RAB27B: variants seen among roughly 807,000 people sequenced by gnomAD.
RAB27B encodes the protein ras-related protein Rab-27B.
RAB27B carries 15 observed loss-of-function variants against 24.6 expected under a neutral mutation model. That is an observed-to-expected ratio of 0.61 (90% CI 0.41 to 0.94). The LOEUF (loss-of-function observed/expected upper bound fraction) is 0.94, where lower values mean the gene tolerates loss of function less well. Ranked by LOEUF, RAB27B falls within the 40% of genes least tolerant of loss-of-function variation. The probability of loss-of-function intolerance (pLI) is 0.00; values close to 1 mark genes in which losing one functional copy is unlikely to be tolerated. For missense variants in RAB27B, 261 were observed against 266.8 expected (o/e 0.98, Z 0.15); for synonymous variants, 105 against 92.5 (o/e 1.14, Z -0.78).
At chr18:54,871,035 G>A (rs939271518) in intron 1 of RAB27B, among the ~76,000 whole-genome samples, 2 of 152,104 alleles carry the variant, frequency 1.3e-5, no homozygotes, top group African/African-American at 4.8e-5. Flanking sequence ...CTAAGCCAAA[G>A]GCAAAAATGT....
At chr18:54,871,866 A>AG (rs1270648900) in intron 1 of RAB27B, among the ~76,000 whole-genome samples, 7 of 151,814 alleles carry the variant, frequency 4.6e-5, no homozygotes, top group Non-Finnish European at 1.5e-5. Context: ...AAAAAAAAAA[A>AG]AAAGAAATAT....
intron 1 of RAB27B, among the ~76,000 whole-genome samples, chr18:54,872,587 T>C (rs377396981): frequency 1.3e-5 from 2 of 149,178 alleles, no homozygotes; most frequent in Non-Finnish European, 3.0e-5. Flanking sequence ...ATGGCGCCAT[T>C]GCACTCCAGC....
intron 1 of RAB27B, among the ~76,000 whole-genome samples, chr18:54,866,350 C>T (rs1167306406): frequency 6.6e-6 from 1 of 151,610 alleles, no homozygotes; most frequent in East Asian, 2.0e-4. Flanking sequence ...GGCTGGAGTG[C>T]AATGGCGCTA....
In RAB27B at chr18:54,850,559, G is replaced by A. The variant is rs534850126; in HGVS notation, c.-20+21859G>A. Among the ~76,000 whole-genome samples the A allele has an allele frequency of 1.5e-3, 219 of 150,524 alleles. 1 individual carries two copies. Among genetic ancestry groups the A allele is most frequent in the African/African-American group, 5.1e-3 (209 of 41,156 alleles). On this transcript the variant is annotated intron_variant, in intron 1 of 5. Coordinates refer to ENST00000262094, the MANE Select transcript of RAB27B (RefSeq NM_004163.4). The stretch of plus-strand genomic sequence containing the variant: ...GTTTTGTATGTTCAGTAGAGATGGC[G>A]TTTCACCATGTTGGTCAGGCTGGTC...
intron 2 of RAB27B, among the ~76,000 whole-genome samples, chr18:54,770,164 G>A (rs1242762195): frequency 1.3e-5 from 2 of 152,136 alleles, no homozygotes; most frequent in South Asian, 4.1e-4. Flanking sequence ...TAAGTTCTAT[G>A]TTCTAAGACA....
chr18:54,850,356 A>ATG (rs1911523259), intron 1 of RAB27B, among the ~76,000 whole-genome samples: 1 of 139,230 alleles, frequency 7.2e-6, no homozygotes, highest in African/African-American at 2.8e-5. Context: ...ATATATATAT[A>ATG]TATACATACA....
chr18:54,828,792 CTG>C (rs3060016), intron 1 of RAB27B, 92 bp downstream of exon 1: 81,617 of 151,264 alleles, frequency 0.54, 22,470 homozygotes, highest in South Asian at 0.64. Flanking sequence ...AGTGAGGCCT[CTG>C]TGTGTGTGTG....
chr18:54,880,866 C>G (rs1912895316), intron 3 of RAB27B: 1 of 152,116 alleles, frequency 6.6e-6, no homozygotes, highest in African/African-American at 2.4e-5. Flanking sequence ...TTGGGTTATT[C>G]ATCACTTGAG....
chr18:54,835,367 A>C (rs1910853635), intron 1 of RAB27B, among the ~76,000 whole-genome samples: 2 of 151,926 alleles, frequency 1.3e-5, no homozygotes, highest in Non-Finnish European at 2.9e-5. Flanking sequence ...TTAATTCTTT[A>C]AGCGAACTAA....
intron 2 of RAB27B, among the ~76,000 whole-genome samples, chr18:54,777,768 T>A (rs774928144): frequency 2.6e-5 from 4 of 152,236 alleles, no homozygotes; most frequent in Non-Finnish European, 5.9e-5. Context: ...ATTTCCTTTA[T>A]GCTGTAATAA....
rs116353381 is a variant in RAB27B, at chr18:54,760,453, G to A, written c.-20+42312G>A. 8.8e-3 allele frequency among the ~76,000 whole-genome samples: 1,339 copies of A among 152,218 alleles called. 18 individuals are homozygous for A. The highest frequency in any genetic ancestry group is 0.031 in the African/African-American group (1,296 of 41,510). On this transcript the variant is annotated intron_variant, in intron 2 of 4. Coordinates refer to the RAB27B transcript ENST00000586570. ...TATTCTGAGTGAGGTGAAATGCTAT[G>A]AAGGGTTTTATATACATAATTTAGG... is the stretch of plus-strand genomic sequence containing the variant.
intron 2 of RAB27B, among the ~76,000 whole-genome samples, chr18:54,738,230 TAAG>T (rs1909959725): frequency 2.0e-5 from 3 of 152,162 alleles, no homozygotes; most frequent in African/African-American, 7.2e-5. Context: ...ATTTTCCACA[TAAG>T]AATAACTGGA....
chr18:54,819,208 TATA>T (rs1910216448), intron 2 of RAB27B, among the ~76,000 whole-genome samples: 1 of 147,992 alleles, frequency 6.8e-6, no homozygotes, highest in South Asian at 2.1e-4. Context: ...ATTATATAAT[TATA>T]ATTCTAAATA....
At chr18:54,888,278 A>C in intron 5 of RAB27B, 160 bp downstream of exon 5, 1 of 719,078 alleles carries the variant, frequency 1.4e-6, no homozygotes, top group Non-Finnish European at 2.1e-6. Flanking sequence ...TTAATGAATT[A>C]CTTAATAATA....
At chr18:54,768,395 A>T (rs1241040795) in intron 2 of RAB27B, among the ~76,000 whole-genome samples, 1 of 152,180 alleles carries the variant, frequency 6.6e-6, no homozygotes, top group Non-Finnish European at 1.5e-5. Flanking sequence ...CATTGTTTGA[A>T]GGTACCGAAC....
intron 2 of RAB27B, among the ~76,000 whole-genome samples, chr18:54,764,149 C>T (rs915244072): frequency 5.9e-5 from 9 of 152,086 alleles, no homozygotes; most frequent in Non-Finnish European, 8.8e-5. Context: ...CCTAGCTTTC[C>T]CTAGATGTCA....
At chr18:54,850,708 G>A (rs746917777) in intron 1 of RAB27B, among the ~76,000 whole-genome samples, 11 of 151,162 alleles carry the variant, frequency 7.3e-5, no homozygotes, top group South Asian at 4.2e-4. Flanking sequence ...TTCATAGCTC[G>A]GTGACTGATG....
intron 1 of RAB27B, among the ~76,000 whole-genome samples, chr18:54,850,333 G>GATATATATATATAGAT (rs1911513614): frequency 2.1e-5 from 2 of 95,174 alleles, no homozygotes; most frequent in South Asian, 4.5e-4. Context: ...AAACAAACAG[G>GATATATATATATAGAT]ATATATATAT....
At chr18:54,880,427 G>A (rs75800683) in intron 3 of RAB27B, 1 of 152,166 alleles carries the variant, frequency 6.6e-6, no homozygotes, top group East Asian at 1.9e-4. Context: ...ATATTTAGAA[G>A]GCACATACCT....
Sources: allele counts gnomAD v4.1 joint callset (sites outside exome capture counted in the v4.1 genomes callset), GRCh38; gene constraint gnomAD v4.1.1; transcripts MANE v1.5; gene names NCBI Gene and HGNC (gene_info 2026-07-23, HGNC 2026-07-21).